ARHGAP22: variants seen among roughly 807,000 people sequenced by gnomAD.
ARHGAP22 encodes Rho GTPase activating protein 22.
Under a neutral mutation model 59.1 loss-of-function variants are expected in ARHGAP22, and 48 were observed. The ratio of observed to expected loss-of-function variants is 0.81; its 90% CI spans 0.64 to 1.03. ARHGAP22 has a LOEUF of 1.03. Ranked by LOEUF, ARHGAP22 falls within the 50% of genes least tolerant of loss-of-function variation. The pLI is 0.00. For missense variants in ARHGAP22, 1,015 were observed against 958.7 expected, an observed-to-expected ratio of 1.06 and a Z score of -0.78; for synonymous variants, 445 against 416.4, an observed-to-expected ratio of 1.07 and a Z score of -0.84.
At chr10:48,643,872 G>C (rs2062174335) in intron 1 of ARHGAP22, among the ~76,000 whole-genome samples, 1 of 152,040 alleles carries the variant, frequency 6.6e-6, no homozygotes. Flanking sequence ...TCTGGGCCAG[G>C]CGTGGTGGCT....
At chr10:48,467,962 G>A (rs998140213) in intron 4 of ARHGAP22, among the ~76,000 whole-genome samples, 4 of 152,130 alleles carry the variant, frequency 2.6e-5, no homozygotes, top group African/African-American at 9.7e-5. Context: ...AACAAGCCAG[G>A]CACTCACCAC....
chr10:48,560,101 C>A (rs901828558), intron 2 of ARHGAP22, among the ~76,000 whole-genome samples: 2 of 152,166 alleles, frequency 1.3e-5, no homozygotes, highest in Non-Finnish European at 2.9e-5. Flanking sequence ...ATTAAGTTTG[C>A]TAACCATCTG....
chr10:48,586,181 C>T (rs1218450761), intron 1 of ARHGAP22, among the ~76,000 whole-genome samples: 1 of 152,160 alleles, frequency 6.6e-6, no homozygotes, highest in Non-Finnish European at 1.5e-5. Flanking sequence ...TGGGTATTGG[C>T]ACTCTCCTTA....
At position 48,485,000 on chromosome 10, in the gene ARHGAP22, T is replaced by C. The variant is rs561743873; in HGVS notation, c.323-5236A>G. On this transcript the variant is annotated intron_variant, in intron 3 of 9. Coordinates refer to ENST00000249601, the MANE Select transcript of ARHGAP22 (RefSeq NM_021226.4). ...AAACATTTTAGGTTTTTAGGCCATA[T>C]AGTCTCTGTCACAACTACTTTACTC... Among the ~76,000 whole-genome samples the C allele has an allele frequency of 4.6e-5, 7 of 152,358 alleles. No individual in the cohort carries two copies. The South Asian group carries it at 1.5e-3, about 32-fold the overall frequency.
At chr10:48,564,669 G>A (rs1400266832) in intron 2 of ARHGAP22, among the ~76,000 whole-genome samples, 3 of 152,204 alleles carry the variant, frequency 2.0e-5, no homozygotes, top group Non-Finnish European at 4.4e-5. Context: ...ATGTGCTGGG[G>A]CCAGGCCAGC....
In ARHGAP22 at chr10:48,562,589, G is replaced by T. The variant is rs148577813; in HGVS notation, c.235-7039C>A. Among the ~76,000 whole-genome samples, 785 of 152,272 alleles carry T rather than the reference G, an allele frequency of 5.2e-3. 3 individuals are homozygous for T. The highest frequency in any genetic ancestry group is 6.9e-3 in the Non-Finnish European group (467 of 68,024). On this transcript the variant is annotated intron_variant, in intron 2 of 9. Coordinates refer to ENST00000249601, the MANE Select transcript of ARHGAP22 (RefSeq NM_021226.4). ...CCATTTCTATAAAAGTGTAGAAAAT[G>T]AGAACTAAGCGGATCAGCCTGGGGT...
chr10:48,555,418 A>G, intron 3 of ARHGAP22, 45 bp downstream of exon 3: 9 of 1,586,616 alleles, frequency 5.7e-6, no homozygotes, highest in Non-Finnish European at 6.9e-6. Flanking sequence ...GGGGCATGGC[A>G]ACACCCCCAC....
the ARHGAP22 span, among the ~76,000 whole-genome samples, chr10:48,432,648 T>A: frequency 6.6e-6 from 1 of 152,214 alleles, no homozygotes; most frequent in African/African-American, 2.4e-5. Context: ...AGTTTTATAC[T>A]TTAGCATACT....
intron 4 of ARHGAP22, among the ~76,000 whole-genome samples, chr10:48,461,099 T>C (rs4838594): frequency 0.31 from 46,828 of 152,072 alleles, 8,008 homozygotes; most frequent in East Asian, 0.69. Context: ...GTAATGCTGC[T>C]GAACTGTGTG....
chr10:48,544,064 A>G (rs1365446682), intron 3 of ARHGAP22, among the ~76,000 whole-genome samples: 1 of 152,014 alleles, frequency 6.6e-6, no homozygotes, highest in Non-Finnish European at 1.5e-5. Context: ...TGGAGGTTGC[A>G]GTGAGCCAAG....
At chr10:48,431,094 G>C in the ARHGAP22 span, 44 of 723,234 alleles carry the variant, frequency 6.1e-5, no homozygotes, top group Non-Finnish European at 1.0e-4. Context: ...ACTGTTTGAA[G>C]TACTTCACAT....
chr10:48,608,837 A>T (rs2060774539), upstream of ARHGAP22, among the ~76,000 whole-genome samples: 2 of 152,268 alleles, frequency 1.3e-5, no homozygotes, highest in Admixed American at 6.5e-5. Flanking sequence ...ATATAAACTT[A>T]TAATTAAATA....
intron 1 of ARHGAP22, among the ~76,000 whole-genome samples, chr10:48,641,824 A>G (rs1245178010): frequency 2.0e-5 from 3 of 152,232 alleles, no homozygotes; most frequent in Admixed American, 2.0e-4. Context: ...TGCAGATGAC[A>G]TGATTGTATA....
At chr10:48,460,094 C>A (rs181804303) in intron 4 of ARHGAP22, among the ~76,000 whole-genome samples, 62 of 152,292 alleles carry the variant, frequency 4.1e-4, no homozygotes, top group African/African-American at 1.5e-3. Flanking sequence ...GGAGGCTGGG[C>A]CCTGGGCTGC....
intron 1 of ARHGAP22, among the ~76,000 whole-genome samples, chr10:48,592,835 A>G (rs1484177084): frequency 1.3e-5 from 2 of 152,078 alleles, no homozygotes; most frequent in Admixed American, 1.3e-4. Context: ...TTTGTTTCTC[A>G]CCCGAGTTAC....
chr10:48,652,799 G>A (rs1312632627), upstream of ARHGAP22, among the ~76,000 whole-genome samples: 1 of 152,138 alleles, frequency 6.6e-6, no homozygotes, highest in Admixed American at 6.5e-5. Flanking sequence ...TTGTCTGGTG[G>A]GCACAGCAGT....
chr10:48,478,020 C>T (rs934760935), intron 4 of ARHGAP22, among the ~76,000 whole-genome samples: 41 of 152,146 alleles, frequency 2.7e-4, no homozygotes, highest in African/African-American at 9.9e-4. Context: ...TTTTTTGTAA[C>T]TCATTTAAAA....
At chr10:48,542,627 G>T (rs1265812127) in intron 3 of ARHGAP22, among the ~76,000 whole-genome samples, 1 of 152,190 alleles carries the variant, frequency 6.6e-6, no homozygotes, top group African/African-American at 2.4e-5. Flanking sequence ...CCCAGTGGAG[G>T]CCTGACCACA....
intron 3 of ARHGAP22, among the ~76,000 whole-genome samples, chr10:48,516,004 A>G (rs2053249111): frequency 7.5e-6 from 1 of 133,768 alleles, no homozygotes; most frequent in Admixed American, 8.3e-5. Flanking sequence ...ACACAGCAAG[A>G]CCTTAACTCA....
Sources: allele counts gnomAD v4.1 joint callset (sites outside exome capture counted in the v4.1 genomes callset), GRCh38; gene constraint gnomAD v4.1.1; transcripts MANE v1.5; gene names NCBI Gene and HGNC (gene_info 2026-07-23, HGNC 2026-07-21).